DCC: variants seen among roughly 807,000 people sequenced by gnomAD.
The protein encoded by DCC is DCC netrin 1 receptor, also known as netrin receptor DCC.
A neutral mutation model predicts 172.5 loss-of-function variants in DCC; 58 were observed. That is an observed-to-expected ratio of 0.34 (90% CI 0.27 to 0.42). The LOEUF is 0.42. Ranked by LOEUF, DCC falls within the 10% of genes least tolerant of loss-of-function variation. The pLI is 1.00. For missense variants in DCC, 1,740 were observed against 1,791.0 expected, an observed-to-expected ratio of 0.97 and a Z score of 0.51; for synonymous variants, 709 against 644.5, an observed-to-expected ratio of 1.10 and a Z score of -1.52.
intron 2 of DCC, among the ~76,000 whole-genome samples, chr18:52,840,259 G>A (rs1267528300): frequency 6.6e-6 from 1 of 152,056 alleles, no homozygotes; most frequent in Admixed American, 6.6e-5. Context: ...GTTCTTTCTG[G>A]ACACAGTCTG....
chr18:53,422,901 T>C (rs2145081844), intron 21 of DCC, among the ~76,000 whole-genome samples: 1 of 152,224 alleles, frequency 6.6e-6, no homozygotes, highest in Middle Eastern at 3.4e-3. Flanking sequence ...CTACACCCAC[T>C]TGAAAAAGCT....
chr18:53,528,984 G>A (rs1050686481), intron 28 of DCC, among the ~76,000 whole-genome samples: 1 of 142,438 alleles, frequency 7.0e-6, no homozygotes, highest in Non-Finnish European at 1.5e-5. Flanking sequence ...GAGTTGCCTA[G>A]TAATCCCCTC....
At chr18:53,021,234 T>C (rs184109458) in intron 5 of DCC, among the ~76,000 whole-genome samples, 4 of 152,302 alleles carry the variant, frequency 2.6e-5, no homozygotes, top group South Asian at 2.1e-4. Context: ...TCATTCTTTC[T>C]TGTGGCTTGT....
intron 16 of DCC, among the ~76,000 whole-genome samples, chr18:53,389,414 C>T (rs926900742): frequency 7.2e-5 from 11 of 152,134 alleles, no homozygotes; most frequent in African/African-American, 2.2e-4. Flanking sequence ...TGCACGATAA[C>T]GCTCTGCTTT....
chr18:52,814,072 T>G (rs907927325), intron 2 of DCC, among the ~76,000 whole-genome samples: 7 of 152,200 alleles, frequency 4.6e-5, no homozygotes, highest in Non-Finnish European at 1.0e-4. Flanking sequence ...TTGGATCTGT[T>G]TCTCTGGAGA....
At chr18:52,581,564 G>A (rs541393857) in intron 1 of DCC, among the ~76,000 whole-genome samples, 1 of 152,234 alleles carries the variant, frequency 6.6e-6, no homozygotes, top group Admixed American at 6.5e-5. Flanking sequence ...AGAATCTCTT[G>A]TTGGCTTTGA....
chr18:52,663,234 G>A (rs2035397300), intron 1 of DCC, among the ~76,000 whole-genome samples: 1 of 152,132 alleles, frequency 6.6e-6, no homozygotes, highest in Admixed American at 6.6e-5. Context: ...CCTAAGTAAC[G>A]TTTCTCAGGA....
At chr18:53,223,213 A>G (rs747101458) in intron 12 of DCC, among the ~76,000 whole-genome samples, 12 of 152,168 alleles carry the variant, frequency 7.9e-5, no homozygotes, top group Non-Finnish European at 1.8e-4. Flanking sequence ...TTTCATATAC[A>G]TAAAATACAT....
At chr18:53,097,438 A>G (rs1173829011) in intron 7 of DCC, among the ~76,000 whole-genome samples, 1 of 152,198 alleles carries the variant, frequency 6.6e-6, no homozygotes, top group Admixed American at 6.5e-5. Context: ...CCTAACTTCT[A>G]TATGCTGGAC....
At chr18:53,204,129 C>A (rs530796952) in intron 9 of DCC, among the ~76,000 whole-genome samples, 5 of 144,412 alleles carry the variant, frequency 3.5e-5, no homozygotes, top group Admixed American at 2.0e-4. Context: ...TGCTTTACTG[C>A]AAATATATAG....
chr18:52,791,903 A>G (rs2037778472), intron 2 of DCC, among the ~76,000 whole-genome samples: 1 of 152,144 alleles, frequency 6.6e-6, no homozygotes, highest in African/African-American at 2.4e-5. Flanking sequence ...TAGGTATCAA[A>G]TGGCCATTTT....
chr18:53,505,891 G>T (rs2046168306), intron 27 of DCC, among the ~76,000 whole-genome samples: 1 of 152,148 alleles, frequency 6.6e-6, no homozygotes, highest in African/African-American at 2.4e-5. Flanking sequence ...GGGTCACATG[G>T]TTAACTACTG....
At chr18:53,385,982 T>C (rs3764496) in intron 15 of DCC, 61 bp from the exon 16 acceptor site, 539,606 of 1,107,916 alleles carry the variant, frequency 0.49, 139,293 homozygotes, top group Non-Finnish European at 0.55. Flanking sequence ...AATGTTTGCC[T>C]TGAGTATTTT....
chr18:53,460,786 G>T (rs1045238831), intron 24 of DCC, among the ~76,000 whole-genome samples: 1 of 152,118 alleles, frequency 6.6e-6, no homozygotes, highest in Non-Finnish European at 1.5e-5. Context: ...AGTCCTTTGG[G>T]TATATCCCCA....
At chr18:52,805,787 A>C (rs2038073822) in intron 2 of DCC, among the ~76,000 whole-genome samples, 1 of 152,226 alleles carries the variant, frequency 6.6e-6, no homozygotes, top group African/African-American at 2.4e-5. Context: ...CCACCCTCGC[A>C]TTCTCAGAAA....
At chr18:52,891,822 A>G (rs1416640576) in intron 2 of DCC, among the ~76,000 whole-genome samples, 20 of 152,010 alleles carry the variant, frequency 1.3e-4, no homozygotes, top group South Asian at 4.1e-4. Flanking sequence ...TTACTTGTCT[A>G]TTTCCTTTTG....
At chr18:53,124,488 A>C (rs1451347666) in intron 7 of DCC, among the ~76,000 whole-genome samples, 1 of 152,048 alleles carries the variant, frequency 6.6e-6, no homozygotes, top group Non-Finnish European at 1.5e-5. Flanking sequence ...AGGACTGGAA[A>C]ATTTGCCCCC....
At chr18:53,051,931 C>G (rs1481966565) in intron 5 of DCC, among the ~76,000 whole-genome samples, 1 of 151,860 alleles carries the variant, frequency 6.6e-6, no homozygotes, top group Non-Finnish European at 1.5e-5. Flanking sequence ...ATATTCTGTC[C>G]CATTTGTGGG....
chr18:53,003,331 C>T lies in DCC; in HGVS notation c.986-59974C>T, dbSNP rs189973869. Among the ~76,000 whole-genome samples, 233 of 152,288 alleles carry T rather than the reference C, an allele frequency of 1.5e-3. 1 individual carries two copies. Among genetic ancestry groups the T allele is most frequent in the African/African-American group, 5.3e-3 (221 of 41,568 alleles). On this transcript the variant is annotated intron_variant, in intron 5 of 28. Coordinates refer to ENST00000442544, the MANE Select transcript of DCC (RefSeq NM_005215.4). ...TGCTGTTAAACTAAGAGGTCCCTTC[C>T]TCTTGGATCTGTAATACACATTGAA...
Sources: gnomAD v4.1 joint callset for allele counts (sites outside exome capture counted in the v4.1 genomes callset) on GRCh38, gnomAD v4.1.1 for gene constraint, MANE v1.5 for transcripts, NCBI Gene and HGNC (gene_info 2026-07-23, HGNC 2026-07-21) for gene names.